Variants in SGCZ observed in about 807,000 individuals in gnomAD.
The protein encoded by SGCZ is sarcoglycan zeta.
In SGCZ, 40 loss-of-function variants were observed where a neutral mutation model predicts 41.3. That is an observed-to-expected ratio of 0.97 (90% CI 0.75 to 1.26). The LOEUF (loss-of-function observed/expected upper bound fraction) is 1.26, where lower values mean the gene tolerates loss of function less well. SGCZ is among the 50% of genes most tolerant of loss of function. The probability of loss-of-function intolerance (pLI) is 0.00; values close to 1 mark genes in which losing one functional copy is unlikely to be tolerated. For missense variants in SGCZ, 552 were observed against 369.8 expected (o/e 1.49, Z -4.04); for synonymous variants, 206 against 137.5 (o/e 1.50, Z -3.49).
chr8:14,216,029 C>G (rs1389688536), intron 4 of SGCZ, among the ~76,000 whole-genome samples: 1 of 152,208 alleles, frequency 6.6e-6, no homozygotes, highest in South Asian at 2.1e-4. Flanking sequence ...AACCCGCCCT[C>G]CAGGCATTTA....
At chr8:15,113,730 C>A (rs1240178405) in intron 1 of SGCZ, among the ~76,000 whole-genome samples, 1 of 152,198 alleles carries the variant, frequency 6.6e-6, no homozygotes, top group African/African-American at 2.4e-5. Flanking sequence ...CTCCCACCAG[C>A]TCGTTGATTC....
chr8:14,995,031 G>C (rs1248820465), intron 1 of SGCZ, among the ~76,000 whole-genome samples: 3 of 152,224 alleles, frequency 2.0e-5, no homozygotes, highest in South Asian at 4.1e-4. Flanking sequence ...GTGTTTCTTA[G>C]GACCATGAGA....
At chr8:14,413,393 T>C (rs1394293231) in intron 2 of SGCZ, among the ~76,000 whole-genome samples, 2 of 151,800 alleles carry the variant, frequency 1.3e-5, no homozygotes, top group Non-Finnish European at 2.9e-5. Context: ...ATAAGTTCAA[T>C]TTTTTTGTTG....
At chr8:14,448,889 T>C (rs573885315) in intron 2 of SGCZ, among the ~76,000 whole-genome samples, 2 of 152,202 alleles carry the variant, frequency 1.3e-5, no homozygotes, top group African/African-American at 2.4e-5. Flanking sequence ...TTGATGAGAA[T>C]ATCTCTTCCC....
chr8:15,123,453 A>C (rs1229120534), intron 1 of SGCZ, among the ~76,000 whole-genome samples: 1 of 152,188 alleles, frequency 6.6e-6, no homozygotes, highest in Non-Finnish European at 1.5e-5. Flanking sequence ...TTAATCATAG[A>C]CTAGAATCCT....
In SGCZ at chr8:14,554,848, C is replaced by T. The variant is rs374294791; in HGVS notation, c.118G>A (p.Gly40Arg). 2 of 1,612,966 alleles carry T rather than the reference C, an allele frequency of 1.2e-6. No individual in the cohort carries two copies. Among genetic ancestry groups the T allele is most frequent in the African/African-American group, 2.7e-5 (2 of 74,734 alleles). The change falls in exon 2 of 8, where the codon GGA becomes AGA. Residue 40 changes from glycine to arginine, a missense_variant. Transcript: ENST00000382080. ...CACCTCTTTCGCCATCCATAAATTC[C>T]CACTGGGTAAAGTTGTGCATTCTCA... ...RTENAQLYPV[G>R]IYGWRKRCLY...
At chr8:14,219,679 G>A (rs957312896) in intron 4 of SGCZ, among the ~76,000 whole-genome samples, 1 of 152,064 alleles carries the variant, frequency 6.6e-6, no homozygotes, top group Non-Finnish European at 1.5e-5. Context: ...CTTGGGAGCT[G>A]GAGGTTGCAG....
At chr8:14,155,925 T>C (rs1317007858) in intron 5 of SGCZ, among the ~76,000 whole-genome samples, 7 of 152,062 alleles carry the variant, frequency 4.6e-5, no homozygotes, top group Non-Finnish European at 8.8e-5. Context: ...CTGAATACTA[T>C]AGTCAGCTGT....
intron 1 of SGCZ, among the ~76,000 whole-genome samples, chr8:15,153,851 A>G (rs1383188926): frequency 1.3e-5 from 2 of 152,144 alleles, no homozygotes; most frequent in Non-Finnish European, 2.9e-5. Context: ...AATCCTTTAT[A>G]AATCAGCAAT....
chr8:14,765,980 T>C (rs1248799927), intron 1 of SGCZ, among the ~76,000 whole-genome samples: 1 of 151,786 alleles, frequency 6.6e-6, no homozygotes, highest in Non-Finnish European at 1.5e-5. Context: ...TTTTTTTTTT[T>C]TTTTAACAGA....
chr8:15,055,350 T>G (rs1260757609), intron 1 of SGCZ, among the ~76,000 whole-genome samples: 1 of 152,232 alleles, frequency 6.6e-6, no homozygotes, highest in Non-Finnish European at 1.5e-5. Context: ...TCAATTATTT[T>G]TATTCTTTTT....
intron 2 of SGCZ, among the ~76,000 whole-genome samples, chr8:14,448,889 T>G (rs573885315): frequency 6.0e-4 from 92 of 152,320 alleles, no homozygotes; most frequent in African/African-American, 2.1e-3. Flanking sequence ...TTGATGAGAA[T>G]ATCTCTTCCC....
At chr8:14,437,874 A>G (rs949955626) in intron 2 of SGCZ, among the ~76,000 whole-genome samples, 1 of 151,934 alleles carries the variant, frequency 6.6e-6, no homozygotes, top group Non-Finnish European at 1.5e-5. Context: ...TATCATATGA[A>G]GTAATATCTC....
At chr8:15,055,876 A>G (rs937514076) in intron 1 of SGCZ, among the ~76,000 whole-genome samples, 1 of 152,182 alleles carries the variant, frequency 6.6e-6, no homozygotes, top group Non-Finnish European at 1.5e-5. Context: ...CACCTGCCTG[A>G]AAGTCCAGTT....
At chr8:15,033,683 A>T (rs911966492) in intron 1 of SGCZ, among the ~76,000 whole-genome samples, 1 of 152,104 alleles carries the variant, frequency 6.6e-6, no homozygotes, top group African/African-American at 2.4e-5. Context: ...CATAAGGCTT[A>T]TCCCAGTGCC....
At chr8:14,993,296 A>G (rs1265548743) in intron 1 of SGCZ, among the ~76,000 whole-genome samples, 1 of 151,992 alleles carries the variant, frequency 6.6e-6, no homozygotes, top group African/African-American at 2.4e-5. Context: ...GTTCCTCCTT[A>G]TCTGCTCATA....
intron 1 of SGCZ, among the ~76,000 whole-genome samples, chr8:14,995,725 T>G (rs1008167766): frequency 6.6e-6 from 1 of 152,224 alleles, no homozygotes; most frequent in African/African-American, 2.4e-5. Context: ...TAATAACAAC[T>G]GTATCTTAAA....
At chr8:14,100,198 T>C (rs1801970612) in intron 7 of SGCZ, among the ~76,000 whole-genome samples, 1 of 151,860 alleles carries the variant, frequency 6.6e-6, no homozygotes, top group Non-Finnish European at 1.5e-5. Context: ...AAACCACAGA[T>C]GAAAACCTGT....
intron 1 of SGCZ, among the ~76,000 whole-genome samples, chr8:14,816,381 G>A (rs1381514961): frequency 2.0e-5 from 3 of 152,176 alleles, no homozygotes; most frequent in Non-Finnish European, 1.5e-5. Context: ...TGTGTTATGA[G>A]TGTGTAATAC....
Sources: gnomAD v4.1 joint callset for allele counts (sites outside exome capture counted in the v4.1 genomes callset) on GRCh38, gnomAD v4.1.1 for gene constraint, MANE v1.5 for transcripts, NCBI Gene and HGNC (gene_info 2026-07-23, HGNC 2026-07-21) for gene names.